The following STAB2 variants were observed in gnomAD, a reference collection of about 807,000 sequenced individuals.
STAB2 encodes stabilin-2.
Under a neutral mutation model 338.1 loss-of-function variants are expected in STAB2, and 288 were observed. That is an observed-to-expected ratio of 0.85 (90% confidence interval 0.77 to 0.94). STAB2 has a LOEUF of 0.94. STAB2 is among the 40% of genes least tolerant of loss of function. The probability of loss-of-function intolerance (pLI) is 0.00; values close to 1 mark genes in which losing one functional copy is unlikely to be tolerated. For synonymous variants in STAB2, 1,202 were observed against 1,193.3 expected (o/e 1.01, Z -0.15); for missense variants, 3,141 against 3,210.1 (o/e 0.98, Z 0.52).
chr12:103,684,603 G>A (rs1399392749), intron 26 of STAB2, among the ~76,000 whole-genome samples: 1 of 152,166 alleles, frequency 6.6e-6, no homozygotes, highest in Admixed American at 6.5e-5. Flanking sequence ...CAGATAAAAT[G>A]CAGGATACCC....
rs561547614 is a variant in STAB2 at position 103,749,006 on chromosome 12, G to A, written c.6288G>A (p.Val2096=). 56 of 1,613,988 alleles carry A rather than the reference G, an allele frequency of 3.5e-5. No individual in the cohort carries two copies. The highest frequency in any genetic ancestry group is 4.6e-5 in the Non-Finnish European group (54 of 1,180,022). ...CKQDNGGCAK[V]ARCSQKGTKV... ...AGGACAACGGGGGCTGTGCAAAGGT[G>A]GCCAGATGCTCCCAGAAGGGCACGA... Residue 2096 remains valine (V), a synonymous_variant, in exon 59 of 69, where the codon GTG becomes GTA. Transcript: ENST00000388887.
chr12:103,598,613 T>C (rs988238430), intron 3 of STAB2, among the ~76,000 whole-genome samples: 1 of 152,190 alleles, frequency 6.6e-6, no homozygotes, highest in African/African-American at 2.4e-5. Flanking sequence ...GAAGATGATA[T>C]GAAAAGCAGG....
intron 34 of STAB2, among the ~76,000 whole-genome samples, chr12:103,700,912 T>C (rs941829066): frequency 2.0e-5 from 3 of 151,832 alleles, no homozygotes; most frequent in African/African-American, 4.8e-5. Flanking sequence ...TAGTTACATA[T>C]GTATACATGT....
At chr12:103,709,843 C>T (rs1195982743) in intron 39 of STAB2, among the ~76,000 whole-genome samples, 3 of 152,252 alleles carry the variant, frequency 2.0e-5, no homozygotes, top group Admixed American at 6.5e-5. Flanking sequence ...AGGACATTTT[C>T]GGTGAATCCC....
chr12:103,749,596 G>A (rs937146981), intron 59 of STAB2, among the ~76,000 whole-genome samples: 5 of 151,486 alleles, frequency 3.3e-5, no homozygotes, highest in Admixed American at 6.6e-5. Flanking sequence ...TTGGGAGGCC[G>A]AGGCAGATGG....
chr12:103,590,802 T>C (rs1956784590), intron 1 of STAB2, 95 bp from the exon 2 acceptor site: 5 of 1,454,496 alleles, frequency 3.4e-6, no homozygotes, highest in South Asian at 1.2e-5. Flanking sequence ...ATTGAGATGA[T>C]TGGAGACATT....
In STAB2 at chr12:103,717,786, T is replaced by G. The variant is rs1319971058; in HGVS notation, c.4628T>G (p.Leu1543Trp). The part of the protein sequence containing the change: ...TGPNQAACNC[L>W]PAYTGDGKVC... ...CCTGGACAGGCTGCCTGTAACTGTT[T>G]GCCAGCATACACTGGAGATGGAAAG... Residue 1543 changes from leucine (L) to tryptophan (W), a missense_variant, in exon 44 of 69, where the codon TTG (leucine) becomes TGG (tryptophan). By Grantham distance (61) the Leu-to-Trp change is moderately conservative (BLOSUM62 -2). Coordinates refer to ENST00000388887, the MANE Select transcript of STAB2 (RefSeq NM_017564.10). 3.7e-6 allele frequency: 6 copies of G among 1,614,138 alleles called. No homozygotes were observed. Among genetic ancestry groups the G allele is most frequent in the Non-Finnish European group, 5.1e-6 (6 of 1,179,996 alleles).
Position 103,753,250 on chromosome 12 carries a change from C to T in STAB2, c.6611C>T (p.Ser2204Phe), listed in dbSNP as rs1883824635. ...ACTGTTGGGGTGTTCCATCTACGCTCCCCACTGGGCCAGTATAAGCTGACC... is the reference window on the plus strand; with the variant it reads ...ACTGTTGGGGTGTTCCATCTACGCTTCCCACTGGGCCAGTATAAGCTGACC... ...DTTVGVFHLR[S>F]PLGQYKLTFD... is the part of the protein sequence containing the mutation. The change falls in exon 61 of 69, where the codon TCC (serine) becomes TTC (phenylalanine). Residue 2204 changes from serine (S) to phenylalanine (F), a missense_variant. Ser to Phe is a radical substitution (Grantham distance 155, BLOSUM62 -2). Transcript: ENST00000388887. 5 of 1,614,072 alleles carry T rather than the reference C, an allele frequency of 3.1e-6. No individual in the cohort carries two copies. Among genetic ancestry groups the T allele is most frequent in the East Asian group, 4.5e-5 (2 of 44,892 alleles).
At chr12:103,673,206 A>C (rs1366516234) in intron 22 of STAB2, among the ~76,000 whole-genome samples, 1 of 152,190 alleles carries the variant, frequency 6.6e-6, no homozygotes. Context: ...ATCTTCATGA[A>C]AGGTGAGAAA....
At chr12:103,635,021 G>A (rs1957521789) in intron 6 of STAB2, among the ~76,000 whole-genome samples, 1 of 152,210 alleles carries the variant, frequency 6.6e-6, no homozygotes, top group South Asian at 2.1e-4. Context: ...TGGAAGGGGT[G>A]GGGGAATAGT....
chr12:103,661,396 T>C (rs1160706512), intron 17 of STAB2, among the ~76,000 whole-genome samples: 1 of 152,216 alleles, frequency 6.6e-6, no homozygotes, highest in Non-Finnish European at 1.5e-5. Flanking sequence ...ATGGTGATGA[T>C]TATCTCATTC....
intron 35 of STAB2, 148 bp from the exon 36 acceptor site, chr12:103,704,410 T>G (rs1879162149): frequency 1.6e-6 from 1 of 634,932 alleles, no homozygotes; most frequent in Non-Finnish European, 2.7e-6. Flanking sequence ...CCCAGAGGAG[T>G]TGAAGTGTTT....
chr12:103,658,881 T>C (rs1391998522), intron 15 of STAB2, among the ~76,000 whole-genome samples: 4 of 152,204 alleles, frequency 2.6e-5, no homozygotes, highest in Non-Finnish European at 5.9e-5. Flanking sequence ...GCAGTCAAGT[T>C]TGGGGGATGT....
rs141365936 is a variant in STAB2 at position 103,685,422 on chromosome 12, C to CTGTGTGTGTGTG, written c.2997+359_2997+370dup. Among the ~76,000 whole-genome samples, 1,199 of 145,848 alleles carry CTGTGTGTGTGTG rather than the reference C, an allele frequency of 8.2e-3. 15 individuals are homozygous for CTGTGTGTGTGTG. The highest frequency in any genetic ancestry group is 0.017 in the East Asian group (82 of 4,782). ...CTGGGCTACCCTTTGCTTACCCATG[C>CTGTGTGTGTGTG]TGTGTGTGTGTGTGTGTGTGTGTGT... On this transcript the variant is annotated intron_variant, in intron 27 of 68. Coordinates refer to ENST00000388887, the MANE Select transcript of STAB2 (RefSeq NM_017564.10).
intron 19 of STAB2, among the ~76,000 whole-genome samples, chr12:103,668,332 T>A (rs1030308581): frequency 6.6e-6 from 1 of 152,222 alleles, no homozygotes; most frequent in Non-Finnish European, 1.5e-5. Context: ...AAGGGGAGAC[T>A]AGACCGTATC....
In STAB2 at chr12:103,753,213, C is replaced by T. The variant is rs1365426483; in HGVS notation, c.6581-7C>T. The T allele has an allele frequency of 6.2e-7, 1 of 1,613,910 alleles. No individual in the cohort carries two copies. Among genetic ancestry groups the T allele is most frequent in the African/African-American group, 1.3e-5 (1 of 74,944 alleles). ...GACCTGGGCGATTCCTCCTCTTCCT[C>T]ATCCAGATACCACTGTTGGGGTGTT... On this transcript the variant is annotated splice_polypyrimidine_tract_variant and splice_region_variant and intron_variant, in intron 60 of 68. Transcript: ENST00000388887.
chr12:103,732,977 C>T (rs1244330899), intron 50 of STAB2, 29 bp from the exon 51 acceptor site: 4 of 1,607,708 alleles, frequency 2.5e-6, no homozygotes, highest in Non-Finnish European at 3.4e-6. Context: ...TTGCTCAAGC[C>T]AGCAAGGGGC....
chr12:103,648,632 T>C, intron 9 of STAB2, 58 bp from the exon 10 acceptor site: 2 of 1,586,626 alleles, frequency 1.3e-6, no homozygotes, highest in Admixed American at 1.7e-5. Context: ...TTGGACTGTA[T>C]GATCAAAATA....
In STAB2 at chr12:103,619,084, G is replaced by C. The variant is rs1023091686; in HGVS notation, c.332-1384G>C. Among the ~76,000 whole-genome samples the C allele has an allele frequency of 2.6e-5, 4 of 152,322 alleles. No homozygotes were observed. In the East Asian group the frequency reaches 7.7e-4, roughly 29 times the overall value. On this transcript the variant is annotated intron_variant, in intron 3 of 68. Transcript: ENST00000388887. ...CCTCCCCAGCCATGTGGAACAGTGAGTCCATTAAATCTCTTTCCTTTTTAA... is the reference window on the plus strand; with the variant it reads ...CCTCCCCAGCCATGTGGAACAGTGACTCCATTAAATCTCTTTCCTTTTTAA...
Sources: gnomAD v4.1 joint callset for allele counts (sites outside exome capture counted in the v4.1 genomes callset) on GRCh38, gnomAD v4.1.1 for gene constraint, MANE v1.5 for transcripts, NCBI Gene and HGNC (gene_info 2026-07-23, HGNC 2026-07-21) for gene names.